The following BRINP2 variants were observed in gnomAD, a reference collection of about 807,000 sequenced individuals.
The protein encoded by BRINP2 is BMP/retinoic acid-inducible neural-specific protein 2.
In BRINP2, 21 loss-of-function variants were observed where a neutral mutation model predicts 69.2. The observed-to-expected ratio is 0.30, with a 90% CI of 0.22 to 0.44. The LOEUF is 0.44. Ranked by LOEUF, BRINP2 falls within the 20% of genes least tolerant of loss-of-function variation. The pLI is 1.00. For synonymous variants in BRINP2, 380 were observed against 394.1 expected, an observed-to-expected ratio of 0.96 and a Z score of 0.42; for missense variants, 877 against 986.0, an observed-to-expected ratio of 0.89 and a Z score of 1.48.
intron 2 of BRINP2, among the ~76,000 whole-genome samples, chr1:177,230,912 C>G (rs552782444): frequency 5.3e-5 from 8 of 152,334 alleles, no homozygotes; most frequent in African/African-American, 1.7e-4. Context: ...TTTCCCCTTA[C>G]TTGTATCTTT....
At chr1:177,192,107 C>T (rs757791906) in intron 1 of BRINP2, among the ~76,000 whole-genome samples, 1 of 152,158 alleles carries the variant, frequency 6.6e-6, no homozygotes, top group Non-Finnish European at 1.5e-5. Flanking sequence ...GATTCATGTT[C>T]ACAGTGGAGC....
chr1:177,227,318 T>A (rs2102323279), intron 1 of BRINP2, among the ~76,000 whole-genome samples: 1 of 152,332 alleles, frequency 6.6e-6, no homozygotes, highest in East Asian at 1.9e-4. Flanking sequence ...AAATGAACAT[T>A]TCCCCATCCC....
Position 177,196,753 on chromosome 1 carries a change from C to T in BRINP2, c.-77+25021C>T, listed in dbSNP as rs779967732. Among the ~76,000 whole-genome samples the T allele has an allele frequency of 3.5e-4, 53 of 152,156 alleles. 1 individual carries two copies. Among genetic ancestry groups the T allele is most frequent in the Admixed American group, 1.5e-3 (23 of 15,272 alleles). ...TGGTTGATTCTGATGTACACAGATGCTTGAGAATCTTTGCAGTAGGGAAAC... is the reference window on the plus strand; with the variant it reads ...TGGTTGATTCTGATGTACACAGATGTTTGAGAATCTTTGCAGTAGGGAAAC... On this transcript the variant is annotated intron_variant, in intron 1 of 7. Coordinates refer to ENST00000361539, the MANE Select transcript of BRINP2 (RefSeq NM_021165.4).
intron 2 of BRINP2, among the ~76,000 whole-genome samples, chr1:177,251,658 T>C (rs528122520): frequency 3.0e-4 from 46 of 152,314 alleles, no homozygotes; most frequent in African/African-American, 9.1e-4. Context: ...ACTGGCTTTA[T>C]TGCTTTAGGT....
chr1:177,193,994 C>A (rs951024005), intron 1 of BRINP2, among the ~76,000 whole-genome samples: 12 of 152,236 alleles, frequency 7.9e-5, no homozygotes, highest in Admixed American at 5.2e-4. Context: ...AACCCAGTTC[C>A]CATTCTTTCT....
At chr1:177,224,012 T>G (rs1486554323) in intron 1 of BRINP2, among the ~76,000 whole-genome samples, 2 of 152,124 alleles carry the variant, frequency 1.3e-5, no homozygotes, top group Non-Finnish European at 2.9e-5. Flanking sequence ...AGTTGACAGC[T>G]TATTGCAACA....
chr1:177,223,101 A>G (rs1649590418), intron 1 of BRINP2, among the ~76,000 whole-genome samples: 1 of 152,146 alleles, frequency 6.6e-6, no homozygotes, highest in South Asian at 2.1e-4. Flanking sequence ...TGGTCTGCAC[A>G]TTCGGCCCCT....
In BRINP2 at chr1:177,225,208, AT is replaced by A. The variant is rs1178277124; in HGVS notation, c.-76-4587del. On this transcript the variant is annotated intron_variant, in intron 1 of 7. Transcript: ENST00000361539. ...TCTCATGTGACTTCATCTATATATG[AT>A]TTTTTCCATTGACAAAGCTGTGACC... is the stretch of plus-strand genomic sequence containing the variant. 2.0e-5 allele frequency among the ~76,000 whole-genome samples: 3 copies of A among 152,074 alleles called. No individual in the cohort carries two copies. In the East Asian group the frequency reaches 5.8e-4, roughly 29 times the overall value.
intron 4 of BRINP2, among the ~76,000 whole-genome samples, chr1:177,262,444 G>A (rs780518075): frequency 1.4e-4 from 22 of 151,912 alleles, no homozygotes; most frequent in Admixed American, 5.9e-4. Flanking sequence ...CCCGGGAGAC[G>A]GAGGTTGCAG....
chr1:177,272,719 G>T (rs2102359962), intron 4 of BRINP2, among the ~76,000 whole-genome samples: 1 of 152,190 alleles, frequency 6.6e-6, no homozygotes. Context: ...AATACTTGTT[G>T]ATTGATTGTT....
intron 2 of BRINP2, among the ~76,000 whole-genome samples, chr1:177,251,134 G>A (rs1264831986): frequency 1.3e-5 from 2 of 152,142 alleles, no homozygotes; most frequent in Non-Finnish European, 2.9e-5. Flanking sequence ...GCAGCCACAG[G>A]AGCTGGACTT....
At chr1:177,176,888 G>A (rs771605768) in intron 1 of BRINP2, among the ~76,000 whole-genome samples, 1 of 152,034 alleles carries the variant, frequency 6.6e-6, no homozygotes. Context: ...TAATATTTTC[G>A]AGTTTTTGAA....
chr1:177,206,834 A>G (rs940232864), intron 1 of BRINP2, among the ~76,000 whole-genome samples: 5 of 152,200 alleles, frequency 3.3e-5, no homozygotes, highest in African/African-American at 1.2e-4. Context: ...AAACACACTG[A>G]TAGATGGAAA....
chr1:177,262,564 C>G (rs1344999807), intron 4 of BRINP2, among the ~76,000 whole-genome samples: 1 of 150,880 alleles, frequency 6.6e-6, no homozygotes, highest in African/African-American at 2.4e-5. Flanking sequence ...GTAGGAGAGA[C>G]AGAAGATAAT....
rs1374460487 is a variant in BRINP2, at chr1:177,280,568, C to T, written c.1392C>T (p.Pro464=). Residue 464 remains proline (P), a synonymous_variant, in exon 8 of 8, where the codon CCC becomes CCT. Transcript: ENST00000361539. ...TCCCATGTGCCTTGGGCGAAGGGCCCGCGTGTGCCCACTGTGCTCCAGACA... is the reference window on the plus strand; with the variant it reads ...TCCCATGTGCCTTGGGCGAAGGGCCTGCGTGTGCCCACTGTGCTCCAGACA... ...GPIPCALGEG[P]ACAHCAPDNS... The T allele has an allele frequency of 8.1e-6, 13 of 1,614,132 alleles. No individual in the cohort carries two copies. The highest frequency in any genetic ancestry group is 2.2e-5 in the South Asian group (2 of 91,076).
At chr1:177,182,311 G>C (rs1442368944) in intron 1 of BRINP2, among the ~76,000 whole-genome samples, 1 of 151,932 alleles carries the variant, frequency 6.6e-6, no homozygotes, top group Non-Finnish European at 1.5e-5. Flanking sequence ...TTTGTGTTAA[G>C]GTATTAATGA....
At chr1:177,265,217 A>G (rs902460446) in intron 4 of BRINP2, among the ~76,000 whole-genome samples, 7 of 152,204 alleles carry the variant, frequency 4.6e-5, no homozygotes, top group African/African-American at 1.7e-4. Flanking sequence ...TGATTCCCCT[A>G]TTTAATAAAT....
At chr1:177,228,083 T>C (rs1649755927) in intron 1 of BRINP2, among the ~76,000 whole-genome samples, 1 of 152,230 alleles carries the variant, frequency 6.6e-6, no homozygotes, top group Admixed American at 6.5e-5. Flanking sequence ...TGCAGTCTCT[T>C]AGCTCCACTA....
intron 6 of BRINP2, among the ~76,000 whole-genome samples, chr1:177,276,937 T>A (rs1651517510): frequency 6.6e-6 from 1 of 150,784 alleles, no homozygotes; most frequent in South Asian, 2.1e-4. Flanking sequence ...TGACCTTGGA[T>A]TAGCCGTGCA....
Sources: gnomAD v4.1 joint callset for allele counts (sites outside exome capture counted in the v4.1 genomes callset) on GRCh38, gnomAD v4.1.1 for gene constraint, MANE v1.5 for transcripts, NCBI Gene and HGNC (gene_info 2026-07-23, HGNC 2026-07-21) for gene names.